IRAK3: variants seen among roughly 807,000 people sequenced by gnomAD.
The protein encoded by IRAK3 is interleukin-1 receptor-associated kinase 3.
IRAK3 carries 57 observed loss-of-function variants against 56.6 expected under a neutral mutation model. That is an observed-to-expected ratio of 1.01 (90% confidence interval 0.81 to 1.26). IRAK3 has a LOEUF of 1.26. IRAK3 is among the 50% of genes most tolerant of loss of function. The pLI is 0.00. For missense variants in IRAK3, 703 were observed against 719.0 expected, an observed-to-expected ratio of 0.98 and a Z score of 0.25; for synonymous variants, 258 against 255.7, an observed-to-expected ratio of 1.01 and a Z score of -0.09.
chr12:66,232,085 C>T (rs2052849861), intron 8 of IRAK3, among the ~76,000 whole-genome samples: 1 of 152,172 alleles, frequency 6.6e-6, no homozygotes, highest in African/African-American at 2.4e-5. Flanking sequence ...ATACAGAGTA[C>T]CCAGAGAGAT....
chr12:66,215,302 C>A lies in IRAK3; in HGVS notation c.589-1869C>A, dbSNP rs1003670664. 2.6e-5 allele frequency among the ~76,000 whole-genome samples: 4 copies of A among 152,158 alleles called. No homozygotes were observed. The East Asian group carries it at 7.7e-4, about 29-fold the overall frequency. On this transcript the variant is annotated intron_variant, in intron 5 of 11. Transcript: ENST00000261233. ...TGCAGCTGCCACCAAATCACACTCC[C>A]TTTTGGGAGTTTTCTTTCCATGAGT...
chr12:66,210,946 T>C (rs1206981940), intron 4 of IRAK3, among the ~76,000 whole-genome samples: 1 of 152,200 alleles, frequency 6.6e-6, no homozygotes, highest in Non-Finnish European at 1.5e-5. Flanking sequence ...AATCTCCACT[T>C]TGGGTGAGTT....
Position 66,210,175 on chromosome 12 carries a change from T to C in IRAK3, c.410T>C (p.Val137Ala). ...KETANVTVDN[V>A]LIPEHNEKGI... ...ACAGCCAATGTCACCGTGGATAATGTTCTTATTCCTGAACATAATGAAAAA... is the reference window on the plus strand; with the variant it reads ...ACAGCCAATGTCACCGTGGATAATGCTCTTATTCCTGAACATAATGAAAAA... Residue 137 changes from valine (V) to alanine (A), a missense_variant, in exon 4 of 12, where the codon GTT (valine) becomes GCT (alanine). By Grantham distance (64) the Val-to-Ala change is moderately conservative. Transcript: ENST00000261233. The C allele has an allele frequency of 6.2e-7, 1 of 1,603,266 alleles. No individual in the cohort carries two copies. Among genetic ancestry groups the C allele is most frequent in the Non-Finnish European group, 8.5e-7 (1 of 1,170,260 alleles).
intron 1 of IRAK3, among the ~76,000 whole-genome samples, chr12:66,202,393 G>C (rs748705563): frequency 2.0e-5 from 3 of 152,110 alleles, no homozygotes; most frequent in Non-Finnish European, 4.4e-5. Flanking sequence ...TCCAGTCCTG[G>C]AAAGGGGAAA....
At position 66,210,214 on chromosome 12, in the gene IRAK3, C is replaced by T. The variant is rs775570273; in HGVS notation, c.436+13C>T. On this transcript the variant is annotated intron_variant, in intron 4 of 11. Transcript: ENST00000261233. ...CATAATGAAAAAGGTATGAAAAAAC[C>T]AGTTTTTTTCCAACAATTTTTTTAA... The T allele has an allele frequency of 6.4e-7, 1 of 1,552,836 alleles. No individual in the cohort carries two copies. Among genetic ancestry groups the T allele is most frequent in the Non-Finnish European group, 8.9e-7 (1 of 1,125,686 alleles).
At chr12:66,235,331 G>T in intron 8 of IRAK3, 1 of 1,120,116 alleles carries the variant, frequency 8.9e-7, no homozygotes, top group East Asian at 5.1e-5. Context: ...GGCAGCCTGG[G>T]CGCGGGGCAG....
chr12:66,208,078 G>A (rs1034860657), intron 2 of IRAK3, among the ~76,000 whole-genome samples: 3 of 152,146 alleles, frequency 2.0e-5, no homozygotes, highest in African/African-American at 7.2e-5. Context: ...TTATTGATTG[G>A]TTATGCTTTC....
intron 8 of IRAK3, among the ~76,000 whole-genome samples, chr12:66,240,037 G>A (rs2052950483): frequency 6.6e-6 from 1 of 152,132 alleles, no homozygotes; most frequent in Non-Finnish European, 1.5e-5. Context: ...TGTTCCTTGA[G>A]TTGGTGTCTT....
chr12:66,219,100 T>C (rs1350281559), intron 6 of IRAK3, among the ~76,000 whole-genome samples: 2 of 152,162 alleles, frequency 1.3e-5, no homozygotes, highest in African/African-American at 4.8e-5. Context: ...CATTCCTCTG[T>C]CAATGGACAT....
rs1339413326 is a variant in IRAK3, at chr12:66,212,165, A to ACC, written c.588+568_588+569insCC. Among the ~76,000 whole-genome samples the ACC allele has an allele frequency of 1.6e-4, 24 of 151,644 alleles. 1 individual carries two copies. Among genetic ancestry groups the ACC allele is most frequent in the Middle Eastern group, 7.0e-3 (2 of 284 alleles). On this transcript the variant is annotated intron_variant, in intron 5 of 11. Transcript: ENST00000261233. ...CTCCAGGACTTTGTTAAAGAGGGTC[A>ACC]GGTAGTGCTAGCCTGCCCTGATTTT...
rs963636606 is a variant in IRAK3, at chr12:66,192,964, TTTC to T, written c.133+3535_133+3537del. 3.4e-4 allele frequency among the ~76,000 whole-genome samples: 52 copies of T among 152,236 alleles called. 1 individual carries two copies. The highest frequency in any genetic ancestry group is 1.2e-3 in the African/African-American group (50 of 41,538). ...TGCATATTCTATGTTCTTTTTTTCT[TTTC>T]TTTTCTTTCTAAATTTTAAATAGAT... On this transcript the variant is annotated intron_variant, in intron 1 of 11. Transcript: ENST00000261233.
chr12:66,223,653 C>T (rs1245799209), intron 6 of IRAK3, among the ~76,000 whole-genome samples: 12 of 147,388 alleles, frequency 8.1e-5, no homozygotes, highest in East Asian at 2.0e-4. Context: ...AGCGAGACTC[C>T]GTCTCAAAAA....
At chr12:66,227,629 G>A (rs2052800386) in intron 7 of IRAK3, among the ~76,000 whole-genome samples, 1 of 151,392 alleles carries the variant, frequency 6.6e-6, no homozygotes, top group South Asian at 2.1e-4. Context: ...GGTCATGATG[G>A]CACATGCCTG....
rs1194760575 is a variant in IRAK3, at chr12:66,234,840, T to C, written c.887+6470T>C. ...ATATTTTCTAGTTCTTGCTTATCCA[T>C]GGAGAGTGGCAAATTAGAAATGTAG... On this transcript the variant is annotated intron_variant, in intron 8 of 11. Coordinates refer to ENST00000261233, the MANE Select transcript of IRAK3 (RefSeq NM_007199.3). 3.5e-5 allele frequency: 57 copies of C among 1,608,612 alleles called. No homozygotes were observed. In the East Asian group the frequency reaches 1.2e-3, roughly 34 times the overall value.
At chr12:66,217,608 G>C (rs769322735) in intron 6 of IRAK3, among the ~76,000 whole-genome samples, 8 of 152,122 alleles carry the variant, frequency 5.3e-5, no homozygotes, top group Non-Finnish European at 1.0e-4. Context: ...TTCAGGAAGA[G>C]AGTTTTAGAC....
chr12:66,239,076 T>C (rs771997267), intron 8 of IRAK3, among the ~76,000 whole-genome samples: 12 of 152,230 alleles, frequency 7.9e-5, no homozygotes, highest in Non-Finnish European at 1.5e-4. Context: ...CTATTTTAAA[T>C]GGAAATGCAT....
chr12:66,203,925 A>G (rs750703143), intron 2 of IRAK3, 32 bp downstream of exon 2: 1 of 1,539,764 alleles, frequency 6.5e-7, no homozygotes, highest in South Asian at 1.1e-5. Flanking sequence ...GTGGCTCTTA[A>G]TCTGTAATAG....
intron 8 of IRAK3, chr12:66,234,031 C>T: frequency 1.2e-6 from 2 of 1,601,258 alleles, no homozygotes; most frequent in South Asian, 1.1e-5. Flanking sequence ...TCAGCCTTCA[C>T]ACCCTTCTTC....
At chr12:66,200,833 CAG>C (rs750282199) in intron 1 of IRAK3, among the ~76,000 whole-genome samples, 17 of 152,108 alleles carry the variant, frequency 1.1e-4, no homozygotes, top group African/African-American at 4.1e-4. Flanking sequence ...TGTGTGGAAA[CAG>C]AGTCTCACTC....
Sources: allele counts gnomAD v4.1 joint callset (sites outside exome capture counted in the v4.1 genomes callset), GRCh38; gene constraint gnomAD v4.1.1; transcripts MANE v1.5; gene names NCBI Gene and HGNC (gene_info 2026-07-23, HGNC 2026-07-21).